Variants in DCAF5 observed in about 807,000 individuals in gnomAD.
DCAF5 encodes the protein DDB1- and CUL4-associated factor 5.
DCAF5 carries 9 observed loss-of-function variants against 80.7 expected under a neutral mutation model. The observed-to-expected ratio is 0.11, with a 90% confidence interval of 0.07 to 0.19. The LOEUF is 0.19. Among genes scored for constraint, DCAF5 ranks in the 10% least tolerant of loss-of-function variants. DCAF5 has a pLI of 1.00. For missense variants in DCAF5, 842 were observed against 1,205.7 expected, an observed-to-expected ratio of 0.70 and a Z score of 4.47; for synonymous variants, 433 against 461.9, an observed-to-expected ratio of 0.94 and a Z score of 0.80.
chr14:69,056,623 G>A (rs1830962458), intron 8 of DCAF5, among the ~76,000 whole-genome samples: 2 of 152,304 alleles, frequency 1.3e-5, no homozygotes, highest in Middle Eastern at 6.8e-3. Context: ...CTTCTTGCCT[G>A]ACAGGCTGGT....
intron 7 of DCAF5, among the ~76,000 whole-genome samples, chr14:69,065,679 AT>A (rs2038411011): frequency 6.6e-6 from 1 of 152,204 alleles, no homozygotes; most frequent in African/African-American, 2.4e-5. Context: ...TTTACGTACA[AT>A]CATTTTTTGA....
At chr14:69,089,098 T>G (rs912721044) in intron 6 of DCAF5, 1 of 152,642 alleles carries the variant, frequency 6.6e-6, no homozygotes, top group Non-Finnish European at 1.5e-5. Context: ...CTTCCAGGCC[T>G]CTGGAAGTTG....
At chr14:69,147,180 T>G (rs548374514) in intron 1 of DCAF5, among the ~76,000 whole-genome samples, 37 of 152,372 alleles carry the variant, frequency 2.4e-4, no homozygotes, top group African/African-American at 8.4e-4. Context: ...TATTCAATGC[T>G]TAAAAATACT....
intron 1 of DCAF5, among the ~76,000 whole-genome samples, chr14:69,127,470 T>C (rs934823103): frequency 8.5e-5 from 13 of 152,190 alleles, no homozygotes; most frequent in African/African-American, 3.1e-4. Context: ...AGATCACTAA[T>C]TGCCAGGGTT....
intron 5 of DCAF5, among the ~76,000 whole-genome samples, chr14:69,114,193 T>C (rs183448606): frequency 1.3e-5 from 2 of 152,292 alleles, no homozygotes; most frequent in East Asian, 1.9e-4. Context: ...CTATCAAAAG[T>C]TTAAAAACAT....
chr14:69,091,930 A>C, intron 5 of DCAF5, 43 bp from the exon 6 acceptor site: 2 of 1,523,770 alleles, frequency 1.3e-6, no homozygotes, highest in African/African-American at 1.4e-5. Context: ...AGATAGGCTA[A>C]ACAAGAGTCT....
chr14:69,084,273 C>T, intron 6 of DCAF5: 1 of 974,530 alleles, frequency 1.0e-6, no homozygotes, highest in Non-Finnish European at 1.7e-6. Flanking sequence ...CAGAAACTTG[C>T]TAATGGGATC....
chr14:69,077,018 C>G (rs956596891), intron 6 of DCAF5, among the ~76,000 whole-genome samples: 1 of 152,208 alleles, frequency 6.6e-6, no homozygotes, highest in Admixed American at 6.5e-5. Context: ...TGTGCCAGAT[C>G]TACTCTAATG....
chr14:69,098,006 A>G (rs1009521816), intron 5 of DCAF5, among the ~76,000 whole-genome samples: 24 of 152,186 alleles, frequency 1.6e-4, no homozygotes, highest in African/African-American at 5.3e-4. Context: ...ATCTAATCCT[A>G]TCATTCCTTT....
chr14:69,071,054 T>C (rs1398324105), intron 7 of DCAF5, among the ~76,000 whole-genome samples: 2 of 152,168 alleles, frequency 1.3e-5, no homozygotes, highest in African/African-American at 4.8e-5. Flanking sequence ...CCCCTCAGCC[T>C]CCCAAAGTGC....
chr14:69,147,385 G>A (rs2041572114), intron 1 of DCAF5, among the ~76,000 whole-genome samples: 1 of 152,220 alleles, frequency 6.6e-6, no homozygotes, highest in African/African-American at 2.4e-5. Context: ...AGTAGCAACA[G>A]CATGGGTTAG....
intron 6 of DCAF5, among the ~76,000 whole-genome samples, chr14:69,080,961 T>C (rs958590028): frequency 6.6e-6 from 1 of 151,582 alleles, no homozygotes; most frequent in Non-Finnish European, 1.5e-5. Context: ...ATTCTAAACA[T>C]GACGAGGGGG....
intron 6 of DCAF5, among the ~76,000 whole-genome samples, chr14:69,087,861 A>G (rs754415862): frequency 1.3e-5 from 2 of 152,244 alleles, no homozygotes; most frequent in African/African-American, 4.8e-5. Flanking sequence ...GTGACAGACC[A>G]TGGCACTAAA....
At chr14:69,083,061 T>A (rs529736620) in intron 6 of DCAF5, among the ~76,000 whole-genome samples, 1 of 152,330 alleles carries the variant, frequency 6.6e-6, no homozygotes, top group Non-Finnish European at 1.5e-5. Flanking sequence ...AGACCATACC[T>A]AGCAGGCCTC....
At chr14:69,113,425 A>G (rs530312254) in intron 5 of DCAF5, among the ~76,000 whole-genome samples, 1 of 152,262 alleles carries the variant, frequency 6.6e-6, no homozygotes, top group Non-Finnish European at 1.5e-5. Context: ...AAAACTTTCT[A>G]CCATCCCTAG....
At position 69,138,451 on chromosome 14, in the gene DCAF5, T is replaced by A. The variant is rs556814445; in HGVS notation, c.214+14314A>T. Among the ~76,000 whole-genome samples the A allele has an allele frequency of 6.6e-5, 10 of 152,318 alleles. No homozygotes were observed. The East Asian group carries it at 1.9e-3, about 29-fold the overall frequency. The stretch of plus-strand genomic sequence containing the variant: ...CTCTACCTACTCATCTGTAAAATAA[T>A]AGGGCATCACCAATTTAATCAAAAC... On this transcript the variant is annotated intron_variant, in intron 1 of 8. Transcript: ENST00000341516.
chr14:69,121,935 C>G lies in DCAF5; in HGVS notation c.358+282G>C, dbSNP rs567368430. Among the ~76,000 whole-genome samples the G allele has an allele frequency of 1.3e-3, 193 of 152,140 alleles. 1 individual carries two copies. The highest frequency in any genetic ancestry group is 4.4e-3 in the African/African-American group (184 of 41,482). On this transcript the variant is annotated intron_variant, in intron 2 of 8. Transcript: ENST00000341516. ...TATTGTTTCAAATATGTGTGTGTGT[C>G]TGTGTGTGTTTCTGTGTACCAGACT...
At chr14:69,087,163 A>G (rs1052214451) in intron 6 of DCAF5, among the ~76,000 whole-genome samples, 11 of 152,216 alleles carry the variant, frequency 7.2e-5, no homozygotes, top group Admixed American at 3.3e-4. Flanking sequence ...AGGAATTGTG[A>G]AAGAGAAGGA....
At position 69,152,469 on chromosome 14, in the gene DCAF5, CG is replaced by C. The variant is rs1301891417; in HGVS notation, c.214+295del. 1 of 309,902 alleles carries C rather than the reference CG, an allele frequency of 3.2e-6. No individual in the cohort carries two copies. Among genetic ancestry groups the C allele is most frequent in the Non-Finnish European group, 6.0e-6 (1 of 166,484 alleles). 19.2% of individuals were successfully genotyped at this position (309,902 alleles called of 1,614,324 possible). A position where few individuals can be genotyped will look rare whatever the true frequency, so the allele number is the denominator to read the frequency against. ...GTCAAACTTTGTAGAGCGGTAACCT[CG>C]CCCCCCTCCCCGACCTACACTTTCA... On this transcript the variant is annotated intron_variant, in intron 1 of 8. Coordinates refer to ENST00000341516, the MANE Select transcript of DCAF5 (RefSeq NM_003861.3). This position sits in a 1 kb window ranked among gnomAD's most constrained non-coding sequence, Gnocchi z 4.1.
Sources: allele counts gnomAD v4.1 joint callset (sites outside exome capture counted in the v4.1 genomes callset), GRCh38; gene constraint gnomAD v4.1.1; non-coding constraint Gnocchi (gnomAD v3.1); transcripts MANE v1.5; gene names NCBI Gene and HGNC (gene_info 2026-07-23, HGNC 2026-07-21).